SLC7A2: variants seen among roughly 807,000 people sequenced by gnomAD.
The protein encoded by SLC7A2 is cationic amino acid transporter 2.
SLC7A2 carries 48 observed loss-of-function variants against 58.9 expected under a neutral mutation model. The ratio of observed to expected loss-of-function variants is 0.82; its 90% CI spans 0.65 to 1.04. The LOEUF (loss-of-function observed/expected upper bound fraction) is 1.04, where lower values mean the gene tolerates loss of function less well. Ranked by LOEUF, SLC7A2 falls within the 50% of genes least tolerant of loss-of-function variation. The probability of loss-of-function intolerance (pLI) is 0.00; values close to 1 mark genes in which losing one functional copy is unlikely to be tolerated. For missense variants in SLC7A2, 1,029 were observed against 818.8 expected, an observed-to-expected ratio of 1.26 and a Z score of -3.13; for synonymous variants, 363 against 314.5, an observed-to-expected ratio of 1.15 and a Z score of -1.63.
intron 2 of SLC7A2, among the ~76,000 whole-genome samples, chr8:17,518,372 C>T (rs73666175): frequency 0.012 from 1,760 of 152,188 alleles, 37 homozygotes; most frequent in African/African-American, 0.039. Flanking sequence ...AAGTTTCTTT[C>T]CTTAAGGCAT....
At chr8:17,523,189 C>A in intron 2 of SLC7A2, among the ~76,000 whole-genome samples, 1 of 151,852 alleles carries the variant, frequency 6.6e-6, no homozygotes, top group African/African-American at 2.4e-5. Flanking sequence ...AGAAAATGAC[C>A]ATACGGCCAA....
intron 2 of SLC7A2, among the ~76,000 whole-genome samples, chr8:17,508,315 G>A (rs1800456605): frequency 6.6e-6 from 1 of 152,150 alleles, no homozygotes; most frequent in Admixed American, 6.6e-5. Context: ...GAGTACAAGA[G>A]AAATGTGAAG....
At chr8:17,539,248 A>G (rs1297603396) in intron 2 of SLC7A2, among the ~76,000 whole-genome samples, 1 of 152,164 alleles carries the variant, frequency 6.6e-6, no homozygotes, top group Non-Finnish European at 1.5e-5. Flanking sequence ...TGAGGAAGGA[A>G]TTTAGCTTTT....
At chr8:17,543,750 T>G (rs1305779321) in intron 3 of SLC7A2, 35 bp downstream of exon 3, 1 of 1,507,640 alleles carries the variant, frequency 6.6e-7, no homozygotes, top group African/African-American at 1.4e-5. Context: ...TTGTGTGGAA[T>G]GGAAGAAATC....
At chr8:17,545,229 A>G (rs371358159) in intron 4 of SLC7A2, among the ~76,000 whole-genome samples, 1 of 152,088 alleles carries the variant, frequency 6.6e-6, no homozygotes, top group African/African-American at 2.4e-5. Flanking sequence ...AACATAGAAC[A>G]ATTTATTTAA....
At chr8:17,525,518 A>T (rs1185806945) in intron 2 of SLC7A2, among the ~76,000 whole-genome samples, 1 of 152,216 alleles carries the variant, frequency 6.6e-6, no homozygotes, top group Non-Finnish European at 1.5e-5. Context: ...CACTATACAG[A>T]TACGGGTTTG....
rs925764796 is a variant in SLC7A2 at position 17,568,367 on chromosome 8, A to G, written c.*3221A>G. ...AAACTTATATTAGAACTTTTGATAT[A>G]TACTAAAATACTGATTATCTTAATC... On this transcript the variant is annotated 3_prime_UTR_variant, in exon 13 of 13. Transcript: ENST00000494857. The G allele has an allele frequency of 6.6e-6, 1 of 152,168 alleles. No homozygotes were observed. Among genetic ancestry groups the G allele is most frequent in the Admixed American group, 6.5e-5 (1 of 15,276 alleles). 9.4% of individuals were successfully genotyped at this position (152,168 alleles called of 1,614,324 possible). A position where few individuals can be genotyped will look rare whatever the true frequency, so the allele number is the denominator to read the frequency against.
intron 2 of SLC7A2, 55 bp from the exon 3 acceptor site, chr8:17,543,263 C>G (rs912387465): frequency 3.3e-6 from 5 of 1,514,930 alleles, no homozygotes; most frequent in Middle Eastern, 1.8e-4. Context: ...GCTAGGTTAC[C>G]AAAGGGAGGG....
Position 17,558,286 on chromosome 8 carries a change from TC to T in SLC7A2, c.1196-4del, listed in dbSNP as rs766378502. ...CGTTTACTTCACCGTTCTTTTCTTC[TC>T]CCCCTAGCTTTGATGGCCTTTCTGT... is the stretch of plus-strand genomic sequence containing the variant. On this transcript the variant is annotated splice_region_variant and splice_polypyrimidine_tract_variant and intron_variant, in intron 8 of 12. Coordinates refer to ENST00000494857, the MANE Select transcript of SLC7A2 (RefSeq NM_001370338.1). 7 of 1,590,788 alleles carry T rather than the reference TC, an allele frequency of 4.4e-6. No individual in the cohort carries two copies. In the South Asian group the frequency reaches 7.8e-5, roughly 18 times the overall value.
At chr8:17,539,341 G>A (rs1263184296) in intron 2 of SLC7A2, among the ~76,000 whole-genome samples, 1 of 152,108 alleles carries the variant, frequency 6.6e-6, no homozygotes, top group African/African-American at 2.4e-5. Flanking sequence ...TGGGCGTGGG[G>A]CTAAGAAAGA....
At chr8:17,554,063 T>C (rs979267557) in intron 7 of SLC7A2, among the ~76,000 whole-genome samples, 1 of 152,290 alleles carries the variant, frequency 6.6e-6, no homozygotes, top group Admixed American at 6.5e-5. Context: ...AAGATCAGGG[T>C]GTATGAGAAA....
chr8:17,549,894 T>C (rs79431507), intron 5 of SLC7A2, among the ~76,000 whole-genome samples: 13,284 of 152,300 alleles, frequency 0.087, 744 homozygotes, highest in East Asian at 0.24. Flanking sequence ...TAGAGACATA[T>C]ACTCTGCCTT....
chr8:17,549,709 G>T (rs1802355447), intron 5 of SLC7A2, among the ~76,000 whole-genome samples: 1 of 152,140 alleles, frequency 6.6e-6, no homozygotes, highest in Non-Finnish European at 1.5e-5. Flanking sequence ...ATGGAATGGG[G>T]TACACCTGTA....
intron 2 of SLC7A2, among the ~76,000 whole-genome samples, chr8:17,533,907 C>T (rs184614272): frequency 6.6e-6 from 1 of 152,262 alleles, no homozygotes; most frequent in East Asian, 1.9e-4. Context: ...CTGATGCTCT[C>T]CCTCCCCTCA....
chr8:17,560,367 T>G lies in SLC7A2; in HGVS notation c.1338T>G (p.Ser446=). The change falls in exon 10 of 13, where the codon TCT becomes TCG. Residue 446 remains serine, a synonymous_variant. Transcript: ENST00000494857. ...TATCTTACGACCAGCCCAAATGTTC[T>G]CCTGAGAAAGATGGTCTGGGATCGT... ...PGLSYDQPKC[S]PEKDGLGSSP... is the part of the protein sequence containing the mutation. 1 of 1,614,144 alleles carries G rather than the reference T, an allele frequency of 6.2e-7. No individual in the cohort carries two copies. Among genetic ancestry groups the G allele is most frequent in the Middle Eastern group, 1.6e-4 (1 of 6,062 alleles).
At chr8:17,543,171 A>G (rs534080589) in intron 2 of SLC7A2, 147 bp from the exon 3 acceptor site, 70 of 714,430 alleles carry the variant, frequency 9.8e-5, no homozygotes, top group Middle Eastern at 4.0e-4. Context: ...GGGTCACTGC[A>G]TCTCTTCTAA....
At chr8:17,515,299 C>CTT (rs568764967) in intron 2 of SLC7A2, among the ~76,000 whole-genome samples, 5,673 of 138,192 alleles carry the variant, frequency 0.041, 372 homozygotes, top group African/African-American at 0.14. Flanking sequence ...ACATCTTTTT[C>CTT]TTTTTTTTTT....
chr8:17,503,619 C>T (rs1030022430), intron 2 of SLC7A2, among the ~76,000 whole-genome samples: 2 of 152,004 alleles, frequency 1.3e-5, no homozygotes, highest in East Asian at 1.9e-4. Context: ...ACGCGGCGCT[C>T]ATAGTTCGCA....
intron 11 of SLC7A2, 30 bp downstream of exon 11, chr8:17,562,140 A>ATAC (rs1387754131): frequency 1.9e-6 from 3 of 1,545,840 alleles, no homozygotes; most frequent in African/African-American, 2.8e-5. Context: ...GAGACCCAAA[A>ATAC]TACTGTATTC....
Sources: gnomAD v4.1 joint callset for allele counts (sites outside exome capture counted in the v4.1 genomes callset) on GRCh38, gnomAD v4.1.1 for gene constraint, MANE v1.5 for transcripts, NCBI Gene and HGNC (gene_info 2026-07-23, HGNC 2026-07-21) for gene names.